The following PGR variants were observed in gnomAD, a reference collection of about 807,000 sequenced individuals.
The protein encoded by PGR is progesterone receptor.
A neutral mutation model predicts 76.1 loss-of-function variants in PGR; 25 were observed. That is an observed-to-expected ratio of 0.33 (90% confidence interval 0.24 to 0.46). The LOEUF (loss-of-function observed/expected upper bound fraction) is 0.46, where lower values mean the gene tolerates loss of function less well. PGR is among the 20% of genes least tolerant of loss of function. The pLI is 1.00. For missense variants in PGR, 1,172 were observed against 1,225.3 expected, an observed-to-expected ratio of 0.96 and a Z score of 0.65; for synonymous variants, 579 against 535.0, an observed-to-expected ratio of 1.08 and a Z score of -1.14.
intron 4 of PGR, among the ~76,000 whole-genome samples, chr11:101,059,991 C>A (rs1379281011): frequency 6.6e-6 from 1 of 151,982 alleles, no homozygotes; most frequent in Non-Finnish European, 1.5e-5. Flanking sequence ...CCCTACCAGG[C>A]AATAAGAATT....
At chr11:101,076,172 C>T (rs1205844888) in intron 3 of PGR, among the ~76,000 whole-genome samples, 3 of 152,042 alleles carry the variant, frequency 2.0e-5, no homozygotes, top group Non-Finnish European at 4.4e-5. Context: ...TTTGCAGGGA[C>T]ATGGATGAAG....
rs1316924538 is a variant in PGR, at chr11:101,035,293, T to C, written c.*3823A>G. On this transcript the variant is annotated 3_prime_UTR_variant, in exon 8 of 8. Coordinates refer to ENST00000325455, the MANE Select transcript of PGR (RefSeq NM_000926.4). The stretch of plus-strand genomic sequence containing the variant: ...GCTTCTTATGCACATGGCTCTGGAG[T>C]TGTAAAAGTTTTTAAAATGATTCAT... 8.8e-6 allele frequency: 2 copies of C among 228,470 alleles called. No homozygotes were observed. The highest frequency in any genetic ancestry group is 1.3e-4 in the East Asian group (2 of 15,972). 14.2% of individuals were successfully genotyped at this position (228,470 alleles called of 1,614,324 possible).
chr11:101,080,878 T>A (rs998587163), intron 3 of PGR, among the ~76,000 whole-genome samples: 2 of 151,946 alleles, frequency 1.3e-5, no homozygotes, highest in East Asian at 1.9e-4. Context: ...GAAGAAAAAA[T>A]TTTAAAGCTT....
chr11:101,073,682 A>T (rs2135428139), intron 3 of PGR, among the ~76,000 whole-genome samples: 1 of 152,334 alleles, frequency 6.6e-6, no homozygotes, highest in South Asian at 2.1e-4. Context: ...ACAAACTACC[A>T]TCAGAGAATA....
chr11:101,050,133 T>C (rs1860037591), intron 5 of PGR, 74 bp from the exon 6 acceptor site: 2 of 1,463,344 alleles, frequency 1.4e-6, no homozygotes, highest in African/African-American at 2.8e-5. Flanking sequence ...TTAGGTAATT[T>C]ATCAGGGAAT....
At chr11:101,072,458 A>T (rs1860973315) in intron 3 of PGR, among the ~76,000 whole-genome samples, 1 of 152,210 alleles carries the variant, frequency 6.6e-6, no homozygotes, top group Admixed American at 6.5e-5. Context: ...TAATGACAGG[A>T]TCAAATTCAC....
In PGR at chr11:101,035,811, T is replaced by C; in HGVS notation, c.*3305A>G. ...CAAATGAATTCAACCAAATATATCA[T>C]AGCACATGGTGACATAAATAAAACA... On this transcript the variant is annotated 3_prime_UTR_variant, in exon 8 of 8. Coordinates refer to ENST00000325455, the MANE Select transcript of PGR (RefSeq NM_000926.4). The C allele has an allele frequency of 4.3e-6, 1 of 232,062 alleles. No homozygotes were observed. The allele number at this position is 232,062 out of a possible 1,614,324, so 14.4% of individuals were successfully genotyped here.
chr11:101,058,512 A>T (rs1860372887), intron 4 of PGR, among the ~76,000 whole-genome samples: 1 of 152,198 alleles, frequency 6.6e-6, no homozygotes, highest in Non-Finnish European at 1.5e-5. Context: ...GATACTGATA[A>T]TTGCAAGTAG....
intron 2 of PGR, among the ~76,000 whole-genome samples, chr11:101,111,681 C>G (rs575824298): frequency 1.3e-5 from 2 of 152,054 alleles, no homozygotes; most frequent in Non-Finnish European, 2.9e-5. Context: ...AGCTTGAGGA[C>G]CAAAAGAACA....
chr11:101,095,420 A>G (rs1237968285), intron 2 of PGR, among the ~76,000 whole-genome samples: 2 of 152,230 alleles, frequency 1.3e-5, no homozygotes, highest in Admixed American at 1.3e-4. Flanking sequence ...ACAATTATTA[A>G]GCACTTACTA....
rs756539990 is a variant in PGR at position 101,050,076 on chromosome 11, T to A, written c.2358-17A>T. 6.2e-7 allele frequency: 1 copy of A among 1,611,344 alleles called. No homozygotes were observed. Among genetic ancestry groups the A allele is most frequent in the East Asian group, 2.2e-5 (1 of 44,662 alleles). ...ATCCGCTGTCTTGCATCACACACAATACACAAAAGAAAAAGCAACAGGAAA... is the reference window on the plus strand; with the variant it reads ...ATCCGCTGTCTTGCATCACACACAAAACACAAAAGAAAAAGCAACAGGAAA... On this transcript the variant is annotated splice_polypyrimidine_tract_variant and intron_variant, in intron 5 of 7. Transcript: ENST00000325455.
intron 2 of PGR, among the ~76,000 whole-genome samples, chr11:101,101,800 G>T (rs1474205737): frequency 6.6e-6 from 1 of 152,150 alleles, no homozygotes; most frequent in Non-Finnish European, 1.5e-5. Context: ...TAATGGGTTT[G>T]CTGTTTTTTA....
chr11:101,067,041 A>G (rs1370593487), intron 3 of PGR, among the ~76,000 whole-genome samples: 1 of 152,114 alleles, frequency 6.6e-6, no homozygotes, highest in East Asian at 1.9e-4. Context: ...ATCAAGCTCT[A>G]CAAGGCCCAA....
chr11:101,102,108 A>T (rs887669471), intron 2 of PGR, among the ~76,000 whole-genome samples: 1 of 152,236 alleles, frequency 6.6e-6, no homozygotes, highest in Non-Finnish European at 1.5e-5. Context: ...AGACAAAAAA[A>T]GGTGGGAGAT....
intron 4 of PGR, among the ~76,000 whole-genome samples, chr11:101,054,763 ATAAC>A (rs1322914266): frequency 3.9e-5 from 6 of 152,342 alleles, no homozygotes; most frequent in African/African-American, 1.2e-4. Flanking sequence ...ATTCACAATG[ATAAC>A]TAACTCAGTG....
At chr11:101,062,820 T>A (rs1233972590) in intron 3 of PGR, 68 bp from the exon 4 acceptor site, 5 of 1,083,732 alleles carry the variant, frequency 4.6e-6, no homozygotes, top group Non-Finnish European at 6.7e-6. Context: ...ATAGTATTAT[T>A]TTTCCTAAGT....
rs754160949 is a variant in PGR, at chr11:101,128,144, C to T, written c.927G>A (p.Leu309=). The change falls in exon 1 of 8, where the codon CTG becomes CTA. Residue 309 remains leucine, a synonymous_variant. Transcript: ENST00000325455. Reference sequence around the variant, plus strand: ...CTGCCAATAAGGCGTGATTGAGAGGCAGGATAGGCACGTGGATGAAATCCA... The same window carrying T: ...CTGCCAATAAGGCGTGATTGAGAGGTAGGATAGGCACGTGGATGAAATCCA... The part of the protein sequence containing the change: ...TVMDFIHVPI[L]PLNHALLAAR... 1 of 1,598,390 alleles carries T rather than the reference C, an allele frequency of 6.3e-7. No individual in the cohort carries two copies. The highest frequency in any genetic ancestry group is 8.5e-7 in the Non-Finnish European group (1 of 1,179,754).
At chr11:101,118,571 C>A (rs191128751) in intron 2 of PGR, among the ~76,000 whole-genome samples, 403 of 152,230 alleles carry the variant, frequency 2.6e-3, no homozygotes, top group African/African-American at 6.7e-3. Flanking sequence ...GTACACAACA[C>A]AAGACGCTGT....
Position 101,107,865 on chromosome 11 carries a change from T to TAAAAAAAAAAAAAAAA in PGR, c.1790-15990_1790-15989insTTTTTTTTTTTTTTTT, listed in dbSNP as rs56355097. 2.7e-3 allele frequency among the ~76,000 whole-genome samples: 327 copies of TAAAAAAAAAAAAAAAA among 119,056 alleles called. 11 individuals carry two copies. The highest frequency in any genetic ancestry group is 9.2e-3 in the African/African-American group (276 of 30,148). The allele number at this position is 119,056 out of a possible 152,430, so 78.1% of individuals were successfully genotyped here. On this transcript the variant is annotated intron_variant, in intron 2 of 7. Transcript: ENST00000325455. Reference sequence around the variant, plus strand: ...CCAGTCTTACTTGAAACTGGCTTTGTAAAAAAAAAAAAAAAGAAAGAAAAA... The same window carrying TAAAAAAAAAAAAAAAA: ...CCAGTCTTACTTGAAACTGGCTTTGTAAAAAAAAAAAAAAAAAAAAAAAAAAAAAAAGAAAGAAAAA...
Sources: gnomAD v4.1 joint callset for allele counts (sites outside exome capture counted in the v4.1 genomes callset) on GRCh38, gnomAD v4.1.1 for gene constraint, MANE v1.5 for transcripts, NCBI Gene and HGNC (gene_info 2026-07-23, HGNC 2026-07-21) for gene names.